Variants in MICALL1 observed in about 807,000 individuals in gnomAD.
MICALL1 encodes MICAL-like protein 1.
Under a neutral mutation model 83.7 loss-of-function variants are expected in MICALL1, and 61 were observed. The ratio of observed to expected loss-of-function variants is 0.73; its 90% CI spans 0.59 to 0.90. The LOEUF (loss-of-function observed/expected upper bound fraction) is 0.90. MICALL1 is among the 40% of genes least tolerant of loss of function. MICALL1 has a pLI of 0.00. For synonymous variants in MICALL1, 481 were observed against 473.6 expected, an observed-to-expected ratio of 1.02 and a Z score of -0.20; for missense variants, 1,066 against 1,152.0, an observed-to-expected ratio of 0.93 and a Z score of 1.08.
In MICALL1 at chr22:37,937,168, C is replaced by T; in HGVS notation, c.2397C>T (p.Ile799=). Residue 799 remains isoleucine, a synonymous_variant, in exon 14 of 16, where the codon ATC becomes ATT. Transcript: ENST00000215957. ...VTLIEQRNAI[I]NCLDEDRQRE... Reference sequence around the variant, plus strand: ...TCATTGAGCAGCGCAACGCTATCATCAACTGCCTGGATGAGGACCGGCAGA... The same window carrying T: ...TCATTGAGCAGCGCAACGCTATCATTAACTGCCTGGATGAGGACCGGCAGA... The T allele has an allele frequency of 2.6e-6, 4 of 1,544,618 alleles. No individual in the cohort carries two copies. Among genetic ancestry groups the T allele is most frequent in the Non-Finnish European group, 3.5e-6 (4 of 1,142,964 alleles).
chr22:37,922,602 T>TATATATATATATATA (rs36105155), intron 6 of MICALL1, among the ~76,000 whole-genome samples, 176 bp downstream of exon 6: 2 of 37,206 alleles, frequency 5.4e-5, no homozygotes, highest in African/African-American at 1.2e-4. Flanking sequence ...TATATATATA[T>TATATATATATATATA]TTTTTTTTTT....
intron 13 of MICALL1, among the ~76,000 whole-genome samples, 189 bp from the exon 14 acceptor site, chr22:37,936,891 C>CAAAA (rs1007404284): frequency 5.9e-5 from 7 of 119,646 alleles, no homozygotes; most frequent in East Asian, 2.4e-4. Flanking sequence ...GACTCCGTCT[C>CAAAA]AAAAAAAAAA....
rs1281197002 is a variant in MICALL1 at position 37,932,982 on chromosome 22, G to T, written c.2235-57G>T. 1 of 1,612,904 alleles carries T rather than the reference G, an allele frequency of 6.2e-7. No homozygotes were observed. The highest frequency in any genetic ancestry group is 8.5e-7 in the Non-Finnish European group (1 of 1,179,062). On this transcript the variant is annotated intron_variant, in intron 12 of 15. Coordinates refer to ENST00000215957, the MANE Select transcript of MICALL1 (RefSeq NM_033386.4). The surrounding 1 kb of genome is among the most constrained non-coding windows in gnomAD (Gnocchi z 4.4). ...CTTCCCTCATCAGTAACAGCGCAGGGCAGGGCAGCCGGGGCTCGGGCAGAA... is the reference window on the plus strand; with the variant it reads ...CTTCCCTCATCAGTAACAGCGCAGGTCAGGGCAGCCGGGGCTCGGGCAGAA...
At chr22:37,912,844 G>A (rs565220321) in intron 3 of MICALL1, among the ~76,000 whole-genome samples, 1 of 151,936 alleles carries the variant, frequency 6.6e-6, no homozygotes, top group South Asian at 2.1e-4. Context: ...TGTGTCTTTA[G>A]TAGAGACAGG....
chr22:37,914,698 T>C (rs1928567698), intron 3 of MICALL1, among the ~76,000 whole-genome samples: 1 of 151,944 alleles, frequency 6.6e-6, no homozygotes, highest in African/African-American at 2.4e-5. Flanking sequence ...TGGAGTGCAG[T>C]GGCATGATCA....
intron 6 of MICALL1, among the ~76,000 whole-genome samples, chr22:37,922,793 TTTG>T (rs1929165538): frequency 7.2e-6 from 1 of 139,780 alleles, no homozygotes; most frequent in Non-Finnish European, 1.5e-5. Flanking sequence ...TTTGTTTTTT[TTTG>T]TTTTTTTTTT....
intron 3 of MICALL1, among the ~76,000 whole-genome samples, chr22:37,916,345 TAAA>T (rs1230617013): frequency 6.6e-6 from 1 of 152,158 alleles, no homozygotes; most frequent in Non-Finnish European, 1.5e-5. Flanking sequence ...CCTTTTGTAA[TAAA>T]AAAGAAAAGG....
intron 7 of MICALL1, 80 bp from the exon 8 acceptor site, chr22:37,925,581 A>T: frequency 1.1e-6 from 1 of 938,572 alleles, no homozygotes. Context: ...CCTTTGAAGT[A>T]GAGTCAAAAC....
In MICALL1 at chr22:37,919,136, G is replaced by A. The variant is rs1330781059; in HGVS notation, c.527G>A (p.Arg176His). Reference sequence around the variant, plus strand: ...CAGCAGCATGTGCACTTGGTGCAGCGCTACCTGGCTGACGGCAGGCTGTAC... The same window carrying A: ...CAGCAGCATGTGCACTTGGTGCAGCACTACCTGGCTGACGGCAGGCTGTAC... ...ACQQHVHLVQ[R>H]YLADGRLYHR... The change falls in exon 5 of 16, where the codon CGC (arginine) becomes CAC (histidine). Residue 176 changes from arginine to histidine, a missense_variant. Coordinates refer to ENST00000215957, the MANE Select transcript of MICALL1 (RefSeq NM_033386.4). 6 of 1,549,846 alleles carry A rather than the reference G, an allele frequency of 3.9e-6. No individual in the cohort carries two copies. Among genetic ancestry groups the A allele is most frequent in the East Asian group, 2.4e-5 (1 of 40,890 alleles).
At chr22:37,940,043 C>T (rs1275501647) in intron 15 of MICALL1, among the ~76,000 whole-genome samples, 1 of 151,604 alleles carries the variant, frequency 6.6e-6, no homozygotes, top group African/African-American at 2.4e-5. Flanking sequence ...GAGCTGAGAC[C>T]GCACCATTGC....
In MICALL1 at chr22:37,926,000, A is replaced by G; in HGVS notation, c.1422A>G (p.Thr474=). 1 of 1,613,292 alleles carries G rather than the reference A, an allele frequency of 6.2e-7. No individual in the cohort carries two copies. The highest frequency in any genetic ancestry group is 8.5e-7 in the Non-Finnish European group (1 of 1,179,734). The change falls in exon 8 of 16, where the codon ACA becomes ACG. Residue 474 remains threonine (T), a synonymous_variant. Transcript: ENST00000215957. ...YGITPTSSPK[T]KKRPAPRAPS... ...TCACCCCTACCAGCAGCCCCAAGAC[A>G]AAGAAGCGCCCTGCCCCGCGCGCAC...
intron 3 of MICALL1, among the ~76,000 whole-genome samples, chr22:37,913,475 C>T (rs192331717): frequency 1.5e-3 from 231 of 152,346 alleles, no homozygotes; most frequent in African/African-American, 5.1e-3. Context: ...TGTTTGCAGA[C>T]ACTTCCTTGG....
At position 37,927,735 on chromosome 22, in the gene MICALL1, G is replaced by A; in HGVS notation, c.1790G>A (p.Cys597Tyr). The change falls in exon 9 of 16, where the codon TGC becomes TAC. Residue 597 changes from cysteine to tyrosine, a missense_variant. Transcript: ENST00000215957. The stretch of plus-strand genomic sequence containing the variant: ...TCAGGTCCCCAGCCAGCCAAGCCCT[G>A]CAGTGGCGCCACCCCAACGCCTCTC... ...GSSGPQPAKP[C>Y]SGATPTPLLL... The A allele has an allele frequency of 1.2e-6, 2 of 1,613,962 alleles. No individual in the cohort carries two copies. The highest frequency in any genetic ancestry group is 1.7e-6 in the Non-Finnish European group (2 of 1,180,028).
At position 37,930,932 on chromosome 22, in the gene MICALL1, C is replaced by T. The variant is rs1929754179; in HGVS notation, c.1882-867C>T. Among the ~76,000 whole-genome samples, 1 of 152,218 alleles carries T rather than the reference C, an allele frequency of 6.6e-6. No individual in the cohort carries two copies. Among genetic ancestry groups the T allele is most frequent in the South Asian group, 2.1e-4 (1 of 4,834 alleles). On this transcript the variant is annotated intron_variant, in intron 9 of 15. Coordinates refer to ENST00000215957, the MANE Select transcript of MICALL1 (RefSeq NM_033386.4). The surrounding 1 kb of genome is among the most constrained non-coding windows in gnomAD (Gnocchi z 4.8). Reference sequence around the variant, plus strand: ...AGGGTGGTTATGAGGCCTGAATGAACTACCATAGCTCTGTCTTGCCTTAAA... The same window carrying T: ...AGGGTGGTTATGAGGCCTGAATGAATTACCATAGCTCTGTCTTGCCTTAAA...
intron 13 of MICALL1, among the ~76,000 whole-genome samples, chr22:37,934,067 C>A (rs1457516076): frequency 6.6e-6 from 1 of 152,226 alleles, no homozygotes; most frequent in Admixed American, 6.5e-5. Context: ...GCGTGGCCAC[C>A]ACTCAGAGCC....
Position 37,927,448 on chromosome 22 carries a change from C to G in MICALL1, c.1503C>G (p.Pro501=), listed in dbSNP as rs997931223. The change falls in exon 9 of 16, where the codon CCC becomes CCG. Residue 501 remains proline, a synonymous_variant. Coordinates refer to ENST00000215957, the MANE Select transcript of MICALL1 (RefSeq NM_033386.4). Reference sequence around the variant, plus strand: ...CCCGCCTCTCGCACTCGGAGCCGCCCTCGGCCACACCATCGCCAGCGCTCA... The same window carrying G: ...CCCGCCTCTCGCACTCGGAGCCGCCGTCGGCCACACCATCGCCAGCGCTCA... ...HASRLSHSEP[P]SATPSPALSV... 6.9e-6 allele frequency: 11 copies of G among 1,599,644 alleles called. No homozygotes were observed. The highest frequency in any genetic ancestry group is 8.5e-6 in the Non-Finnish European group (10 of 1,170,866).
At chr22:37,939,688 C>A (rs1930324292) in intron 15 of MICALL1, among the ~76,000 whole-genome samples, 1 of 149,864 alleles carries the variant, frequency 6.7e-6, no homozygotes, top group African/African-American at 2.5e-5. Context: ...GCAGAAGAAT[C>A]GCCTGAACCC....
At chr22:37,929,036 T>C (rs1929647117) in intron 9 of MICALL1, among the ~76,000 whole-genome samples, 1 of 151,898 alleles carries the variant, frequency 6.6e-6, no homozygotes, top group Non-Finnish European at 1.5e-5. Flanking sequence ...GGTAGGAGAA[T>C]TGCTTGAACC....
chr22:37,926,357 G>A (rs908976840), intron 8 of MICALL1, among the ~76,000 whole-genome samples: 1 of 152,152 alleles, frequency 6.6e-6, no homozygotes, highest in Non-Finnish European at 1.5e-5. Flanking sequence ...CTCGTTAAAC[G>A]TGCTGTCTAG....
Sources: allele counts gnomAD v4.1 joint callset (sites outside exome capture counted in the v4.1 genomes callset), GRCh38; gene constraint gnomAD v4.1.1; non-coding constraint Gnocchi (gnomAD v3.1); transcripts MANE v1.5; gene names NCBI Gene and HGNC (gene_info 2026-07-23, HGNC 2026-07-21).